Variants in STX11 observed in about 807,000 individuals in gnomAD.
The protein encoded by STX11 is syntaxin-11.
A neutral mutation model predicts 19.9 loss-of-function variants in STX11; 21 were observed. The observed-to-expected ratio is 1.06, with a 90% CI of 0.75 to 1.52. The LOEUF (loss-of-function observed/expected upper bound fraction) is 1.52. STX11 is among the 40% of genes most tolerant of loss of function. The probability of loss-of-function intolerance (pLI) is 0.00; values close to 1 mark genes in which losing one functional copy is unlikely to be tolerated. For missense variants in STX11, 438 were observed against 405.9 expected, an observed-to-expected ratio of 1.08 and a Z score of -0.68; for synonymous variants, 193 against 174.4, an observed-to-expected ratio of 1.11 and a Z score of -0.84.
At chr6:144,163,197 G>A (rs558017228) in intron 1 of STX11, among the ~76,000 whole-genome samples, 27 of 152,242 alleles carry the variant, frequency 1.8e-4, no homozygotes, top group African/African-American at 6.5e-4. Context: ...AGTCAGTTTT[G>A]GTTTCAACTG....
At chr6:144,148,308 C>T (rs1017614161), upstream of STX11, among the ~76,000 whole-genome samples, 2 of 152,352 alleles carry the variant, frequency 1.3e-5, no homozygotes, top group South Asian at 2.1e-4. Context: ...GGGGCCTTTA[C>T]ATCCACTGAT....
At position 144,154,473 on chromosome 6, in the gene STX11, A is replaced by G. The variant is rs1040642721; in HGVS notation, c.-6+3770A>G. Reference sequence around the variant, plus strand: ...GTGTCTGAAGGTTCCAAGTGCTTCAATCATTGTGTCTACAGAGCTGCCTTG... The same window carrying G: ...GTGTCTGAAGGTTCCAAGTGCTTCAGTCATTGTGTCTACAGAGCTGCCTTG... On this transcript the variant is annotated intron_variant, in intron 1 of 1. Coordinates refer to ENST00000367568, the MANE Select transcript of STX11 (RefSeq NM_003764.4). This position sits in a 1 kb window ranked among gnomAD's most constrained non-coding sequence, Gnocchi z 4.7. Among the ~76,000 whole-genome samples the G allele has an allele frequency of 3.3e-5, 5 of 152,354 alleles. No homozygotes were observed. Among genetic ancestry groups the G allele is most frequent in the African/African-American group, 4.8e-5 (2 of 41,586 alleles).
chr6:144,186,671 A>G lies in STX11; in HGVS notation c.44A>G (p.Tyr15Cys), dbSNP rs1802045210. The G allele has an allele frequency of 6.2e-7, 1 of 1,614,086 alleles. No individual in the cohort carries two copies. Among genetic ancestry groups the G allele is most frequent in the Non-Finnish European group, 8.5e-7 (1 of 1,180,052 alleles). ...LAELLDLSKQ[Y>C]DQQFPDGDDE... ...GAACTTCTGGACTTGTCCAAGCAAT[A>G]TGACCAGCAGTTCCCAGACGGGGAC... Residue 15 changes from tyrosine to cysteine, a missense_variant, in exon 2 of 2, where the codon TAT (tyrosine) becomes TGT (cysteine). Coordinates refer to ENST00000367568, the MANE Select transcript of STX11 (RefSeq NM_003764.4).
intron 1 of STX11, among the ~76,000 whole-genome samples, chr6:144,163,283 G>C (rs1801391800): frequency 6.6e-6 from 1 of 152,000 alleles, no homozygotes; most frequent in Non-Finnish European, 1.5e-5. Flanking sequence ...TTTTAAAAAT[G>C]CTTTATGGGC....
chr6:144,148,144 C>A (rs1800910871), upstream of STX11, among the ~76,000 whole-genome samples: 2 of 152,196 alleles, frequency 1.3e-5, no homozygotes, highest in South Asian at 4.1e-4. Context: ...CTTCAGTCTT[C>A]CTGTCTCAAT....
upstream of STX11, chr6:144,150,462 C>G (rs566839292): frequency 3.5e-4 from 344 of 979,512 alleles, no homozygotes; most frequent in Non-Finnish European, 4.1e-4. Context: ...GGGGCGGGGC[C>G]TGGTCCCCAG....
At position 144,153,108 on chromosome 6, in the gene STX11, C is replaced by T. The variant is rs1294438858; in HGVS notation, c.-6+2405C>T. On this transcript the variant is annotated intron_variant, in intron 1 of 1. Coordinates refer to ENST00000367568, the MANE Select transcript of STX11 (RefSeq NM_003764.4). This position sits in a 1 kb window ranked among gnomAD's most constrained non-coding sequence, Gnocchi z 5.0. ...TGCTGAGATGCTTTTGAACTGGATGCCCAAGTATCAAGGTTTCCAAGTTTC... is the reference window on the plus strand; with the variant it reads ...TGCTGAGATGCTTTTGAACTGGATGTCCAAGTATCAAGGTTTCCAAGTTTC... Among the ~76,000 whole-genome samples, 1 of 152,132 alleles carries T rather than the reference C, an allele frequency of 6.6e-6. No individual in the cohort carries two copies. Among genetic ancestry groups the T allele is most frequent in the Admixed American group, 6.5e-5 (1 of 15,274 alleles).
In STX11 at chr6:144,186,874, A is replaced by G. The variant is rs574127091; in HGVS notation, c.247A>G (p.Lys83Glu). ...GTCCATGCGGCGCCTCAGCAGCATC[A>G]AGCGCGACACCAACTCCATCGCCAA... The part of the protein sequence containing the change: ...LTSMRRLSSI[K>E]RDTNSIAKAI... The change falls in exon 2 of 2, where the codon AAG (lysine) becomes GAG (glutamate). Residue 83 changes from lysine to glutamate, a missense_variant. Physicochemically the swap from Lys to Glu is moderately conservative, Grantham distance 56. Coordinates refer to ENST00000367568, the MANE Select transcript of STX11 (RefSeq NM_003764.4). The G allele has an allele frequency of 4.8e-5, 77 of 1,612,702 alleles. 1 individual carries two copies. In the South Asian group the frequency reaches 8.2e-4, roughly 17 times the overall value.
At chr6:144,186,508 C>T (rs1802037754) in intron 1 of STX11, 115 bp from the exon 2 acceptor site, 4 of 1,326,744 alleles carry the variant, frequency 3.0e-6, no homozygotes, top group Non-Finnish European at 4.3e-6. Context: ...ACTTATTGCC[C>T]ACACCGAGGA....
intron 1 of STX11, 146 bp downstream of exon 1, chr6:144,150,849 G>A (rs550836785): frequency 3.7e-6 from 2 of 536,826 alleles, no homozygotes; most frequent in Non-Finnish European, 2.4e-6. Flanking sequence ...TGGATCTGGC[G>A]CAGGTCCTCA....
At position 144,170,925 on chromosome 6, in the gene STX11, A is replaced by G. The variant is rs989292290; in HGVS notation, c.-5-15698A>G. On this transcript the variant is annotated intron_variant, in intron 1 of 1. Coordinates refer to ENST00000367568, the MANE Select transcript of STX11 (RefSeq NM_003764.4). The surrounding 1 kb of genome is among the most constrained non-coding windows in gnomAD (Gnocchi z 4.7). ...TTAAGAGCTTTACATGGCTTACCTC[A>G]TTTAATCCCCTCTACTATCCTATGA... is the stretch of plus-strand genomic sequence containing the variant. 3.3e-5 allele frequency among the ~76,000 whole-genome samples: 5 copies of G among 152,340 alleles called. No individual in the cohort carries two copies. The highest frequency in any genetic ancestry group is 3.4e-3 in the Middle Eastern group (1 of 294).
intron 1 of STX11, among the ~76,000 whole-genome samples, chr6:144,161,242 G>A (rs1233769471): frequency 6.6e-5 from 10 of 152,264 alleles, no homozygotes; most frequent in East Asian, 1.9e-4. Flanking sequence ...AAGTAAACTC[G>A]TTAGAGGATG....
chr6:144,146,929 GAT>G (rs1800884234), upstream of STX11, among the ~76,000 whole-genome samples: 2 of 152,302 alleles, frequency 1.3e-5, no homozygotes, highest in Admixed American at 6.5e-5. The surrounding 1 kb of genome is among the most constrained non-coding windows in gnomAD (Gnocchi z 4.4). Flanking sequence ...GATTGCTGGG[GAT>G]TAAGTGTGGC....
rs1801096911 is a variant in STX11 at position 144,154,959 on chromosome 6, A to C, written c.-6+4256A>C. Among the ~76,000 whole-genome samples, 1 of 152,214 alleles carries C rather than the reference A, an allele frequency of 6.6e-6. No individual in the cohort carries two copies. The highest frequency in any genetic ancestry group is 1.5e-5 in the Non-Finnish European group (1 of 68,038). ...TCCACCCGCCCCCACCGCCTCCAAA[A>C]AAATGATCCCAACTCTTAACTGTTC... On this transcript the variant is annotated intron_variant, in intron 1 of 1. Transcript: ENST00000367568. The surrounding 1 kb of genome is among the most constrained non-coding windows in gnomAD (Gnocchi z 4.7).
At chr6:144,141,660 T>A in the STX11 span, among the ~76,000 whole-genome samples, 1 of 84,888 alleles carries the variant, frequency 1.2e-5, no homozygotes, top group Non-Finnish European at 2.5e-5. Context: ...AGTTTTGTTG[T>A]TGTTGTTGTT....
rs1801075956 is a variant in STX11, at chr6:144,154,183, G to T, written c.-6+3480G>T. Among the ~76,000 whole-genome samples, 1 of 152,194 alleles carries T rather than the reference G, an allele frequency of 6.6e-6. No homozygotes were observed. The highest frequency in any genetic ancestry group is 2.1e-4 in the South Asian group (1 of 4,828). On this transcript the variant is annotated intron_variant, in intron 1 of 1. Transcript: ENST00000367568. The surrounding 1 kb of genome is among the most constrained non-coding windows in gnomAD (Gnocchi z 4.7). The stretch of plus-strand genomic sequence containing the variant: ...AGCTTGCATTCTGAAGCACCCTGCT[G>T]TGATGTGCTGTCTTGATGAATGAAT...
chr6:144,179,294 G>A lies in STX11; in HGVS notation c.-5-7329G>A, dbSNP rs185820921. Among the ~76,000 whole-genome samples the A allele has an allele frequency of 3.6e-3, 542 of 152,304 alleles. 1 individual carries two copies. The highest frequency in any genetic ancestry group is 6.3e-3 in the Non-Finnish European group (427 of 68,020). ...CTCGCACAACGTGTGGGAATTATGG[G>A]AGTACCATTCAAGATGAGATTTGGG... On this transcript the variant is annotated intron_variant, in intron 1 of 1. Coordinates refer to ENST00000367568, the MANE Select transcript of STX11 (RefSeq NM_003764.4).
At position 144,175,545 on chromosome 6, in the gene STX11, G is replaced by A. The variant is rs978371365; in HGVS notation, c.-5-11078G>A. On this transcript the variant is annotated intron_variant, in intron 1 of 1. Coordinates refer to ENST00000367568, the MANE Select transcript of STX11 (RefSeq NM_003764.4). The surrounding 1 kb of genome is among the most constrained non-coding windows in gnomAD (Gnocchi z 5.1). The stretch of plus-strand genomic sequence containing the variant: ...TGGTCTTGAACTCCTGAACTTAGGT[G>A]ATCCACACACTTCGGCCTCTCAAAG... Among the ~76,000 whole-genome samples the A allele has an allele frequency of 1.3e-5, 2 of 152,102 alleles. No individual in the cohort carries two copies. The highest frequency in any genetic ancestry group is 2.9e-5 in the Non-Finnish European group (2 of 68,018).
rs1331585242 is a variant in STX11, at chr6:144,169,229, C to T, written c.-5-17394C>T. On this transcript the variant is annotated intron_variant, in intron 1 of 1. Coordinates refer to ENST00000367568, the MANE Select transcript of STX11 (RefSeq NM_003764.4). This position sits in a 1 kb window ranked among gnomAD's most constrained non-coding sequence, Gnocchi z 5.2. Reference sequence around the variant, plus strand: ...TTGGCATCCTTAATTCCTGTAGAGGCTGTCTCAGCTCTAGTCAGTGTCTTT... The same window carrying T: ...TTGGCATCCTTAATTCCTGTAGAGGTTGTCTCAGCTCTAGTCAGTGTCTTT... 6.6e-6 allele frequency among the ~76,000 whole-genome samples: 1 copy of T among 152,226 alleles called. No homozygotes were observed. The highest frequency in any genetic ancestry group is 1.9e-4 in the East Asian group (1 of 5,202).
Sources: gnomAD v4.1 joint callset for allele counts (sites outside exome capture counted in the v4.1 genomes callset) on GRCh38, gnomAD v4.1.1 for gene constraint, Gnocchi (gnomAD v3.1) non-coding constraint, MANE v1.5 for transcripts, NCBI Gene and HGNC (gene_info 2026-07-23, HGNC 2026-07-21) for gene names.